Variants in KIAA1671 observed in about 807,000 individuals in gnomAD.
KIAA1671 encodes KIAA1671.
A neutral mutation model predicts 131.2 loss-of-function variants in KIAA1671; 52 were observed. That is an observed-to-expected ratio of 0.40 (90% CI 0.32 to 0.50). The LOEUF (loss-of-function observed/expected upper bound fraction) is 0.50, where lower values mean the gene tolerates loss of function less well. Among genes scored for constraint, KIAA1671 ranks in the 20% least tolerant of loss-of-function variants. KIAA1671 has a pLI of 0.73. For missense variants in KIAA1671, 2,360 were observed against 2,364.2 expected (o/e 1.00, Z 0.04); for synonymous variants, 1,003 against 961.6 (o/e 1.04, Z -0.80).
chr22:25,151,406 G>A (rs1446243411), intron 6 of KIAA1671, among the ~76,000 whole-genome samples: 1 of 145,004 alleles, frequency 6.9e-6, no homozygotes. Context: ...ACAAAGTCCA[G>A]TTATACAACA....
chr22:25,065,905 C>T (rs1928450392), intron 6 of KIAA1671, among the ~76,000 whole-genome samples: 1 of 152,106 alleles, frequency 6.6e-6, no homozygotes, highest in African/African-American at 2.4e-5. Flanking sequence ...TCACAAAATG[C>T]TGGTATTACA....
chr22:25,090,222 T>C (rs1929957091), intron 6 of KIAA1671, among the ~76,000 whole-genome samples: 1 of 152,222 alleles, frequency 6.6e-6, no homozygotes, highest in African/African-American at 2.4e-5. Flanking sequence ...AGCCCTTAGC[T>C]CTACTGCTAT....
intron 1 of KIAA1671, among the ~76,000 whole-genome samples, chr22:24,993,169 G>A (rs767794522): frequency 6.6e-6 from 1 of 152,042 alleles, no homozygotes; most frequent in Non-Finnish European, 1.5e-5. Flanking sequence ...TCCCCCCACC[G>A]GGAGTGGGAG....
intron 6 of KIAA1671, among the ~76,000 whole-genome samples, chr22:25,071,858 C>T (rs1281944904): frequency 1.3e-5 from 2 of 152,186 alleles, no homozygotes; most frequent in Non-Finnish European, 2.9e-5. Flanking sequence ...AGCAAGACGG[C>T]ATGGTCCCCT....
At chr22:25,159,668 A>G (rs954561231) in intron 6 of KIAA1671, among the ~76,000 whole-genome samples, 1 of 152,112 alleles carries the variant, frequency 6.6e-6, no homozygotes, top group African/African-American at 2.4e-5. Flanking sequence ...AACACCTCCA[A>G]GCTTCCCATT....
intron 6 of KIAA1671, chr22:25,064,423 C>T (rs1044623826): frequency 6.6e-6 from 1 of 152,248 alleles, no homozygotes; most frequent in African/African-American, 2.4e-5. Context: ...GTACCTCATT[C>T]ATGCCTCCCA....
At chr22:25,167,712 T>C (rs980412101) in intron 6 of KIAA1671, among the ~76,000 whole-genome samples, 8 of 152,190 alleles carry the variant, frequency 5.3e-5, no homozygotes, top group Non-Finnish European at 8.8e-5. Context: ...GCAGCTCTTA[T>C]TTGGGTCTAT....
intron 1 of KIAA1671, among the ~76,000 whole-genome samples, chr22:25,018,576 C>T (rs980167940): frequency 7.2e-5 from 11 of 152,144 alleles, no homozygotes; most frequent in East Asian, 1.9e-4. Flanking sequence ...CATTCCCCAG[C>T]GCTGGCAACC....
intron 6 of KIAA1671, among the ~76,000 whole-genome samples, chr22:25,122,725 A>G (rs1932000419): frequency 6.6e-6 from 1 of 152,210 alleles, no homozygotes; most frequent in Non-Finnish European, 1.5e-5. Flanking sequence ...CCATAATCCC[A>G]GCACTTTGGG....
At chr22:24,995,249 T>C (rs1924061259) in intron 1 of KIAA1671, among the ~76,000 whole-genome samples, 1 of 151,984 alleles carries the variant, frequency 6.6e-6, no homozygotes, top group South Asian at 2.1e-4. Flanking sequence ...AGACAGGGTT[T>C]CGCCATGTTA....
intron 1 of KIAA1671, among the ~76,000 whole-genome samples, chr22:24,995,094 A>T (rs1376524441): frequency 6.7e-6 from 1 of 149,210 alleles, no homozygotes; most frequent in Non-Finnish European, 1.5e-5. Context: ...TCTCTCACCC[A>T]GGCTGGAGTG....
chr22:25,123,993 C>T (rs1932065392), intron 6 of KIAA1671, among the ~76,000 whole-genome samples: 1 of 152,192 alleles, frequency 6.6e-6, no homozygotes, highest in South Asian at 2.1e-4. Flanking sequence ...AAGACCTGCC[C>T]ATGGTCTGTA....
intron 1 of KIAA1671, among the ~76,000 whole-genome samples, chr22:24,970,730 T>TTAA (rs1555948475): frequency 2.8e-4 from 38 of 137,410 alleles, no homozygotes; most frequent in African/African-American, 1.0e-3. Flanking sequence ...GTTGATGAGC[T>TTAA]AAAAAAAAAA....
chr22:25,172,599 C>G (rs1933886599), intron 7 of KIAA1671, among the ~76,000 whole-genome samples: 1 of 152,180 alleles, frequency 6.6e-6, no homozygotes, highest in African/African-American at 2.4e-5. Flanking sequence ...CCCACCTGTC[C>G]TTTCTCAAGG....
chr22:25,066,599 T>G (rs1928486509), intron 6 of KIAA1671, among the ~76,000 whole-genome samples: 1 of 152,210 alleles, frequency 6.6e-6, no homozygotes, highest in South Asian at 2.1e-4. Flanking sequence ...ATTCAAACCA[T>G]AGCCCTGGAG....
intron 1 of KIAA1671, among the ~76,000 whole-genome samples, chr22:24,982,445 G>A (rs1923286903): frequency 6.6e-6 from 1 of 152,234 alleles, no homozygotes; most frequent in Admixed American, 6.5e-5. Flanking sequence ...TCTTCCGTGA[G>A]TCAGTGCTAT....
chr22:24,959,230 G>A (rs936787190), intron 1 of KIAA1671, among the ~76,000 whole-genome samples: 1 of 151,804 alleles, frequency 6.6e-6, no homozygotes, highest in African/African-American at 2.4e-5. Context: ...AGCTGGTCAA[G>A]CACAGTGACT....
At chr22:25,159,214 C>G (rs933244379) in intron 6 of KIAA1671, among the ~76,000 whole-genome samples, 5 of 152,202 alleles carry the variant, frequency 3.3e-5, no homozygotes, top group Non-Finnish European at 5.9e-5. Context: ...ACGCCTCCTG[C>G]AGACCAGCTG....
intron 1 of KIAA1671, among the ~76,000 whole-genome samples, chr22:24,957,698 A>T: frequency 1.3e-5 from 1 of 74,962 alleles, no homozygotes. Context: ...TTTTTTTGAG[A>T]CGGAGTTTTG....
Sources: gnomAD v4.1 joint callset for allele counts (sites outside exome capture counted in the v4.1 genomes callset) on GRCh38, gnomAD v4.1.1 for gene constraint, MANE v1.5 for transcripts, NCBI Gene and HGNC (gene_info 2026-07-23, HGNC 2026-07-21) for gene names.